SSH2: variants seen among roughly 807,000 people sequenced by gnomAD.
SSH2 encodes protein phosphatase Slingshot homolog 2.
Under a neutral mutation model 135.2 loss-of-function variants are expected in SSH2, and 37 were observed. The observed-to-expected ratio is 0.27, with a 90% CI of 0.21 to 0.36. The LOEUF (loss-of-function observed/expected upper bound fraction) is 0.36, where lower values mean the gene tolerates loss of function less well. Ranked by LOEUF, SSH2 falls within the 10% of genes least tolerant of loss-of-function variation. The probability of loss-of-function intolerance (pLI) is 1.00; values close to 1 mark genes in which losing one functional copy is unlikely to be tolerated. For missense variants in SSH2, 1,408 were observed against 1,765.3 expected (o/e 0.80, Z 3.63); for synonymous variants, 628 against 646.2 (o/e 0.97, Z 0.43).
intron 1 of SSH2, among the ~76,000 whole-genome samples, chr17:29,911,199 G>C (rs2066758148): frequency 6.6e-6 from 1 of 152,152 alleles, no homozygotes. Context: ...AAAAATGTAA[G>C]TTATATTTTA....
At chr17:29,893,605 G>A (rs559120339) in intron 1 of SSH2, among the ~76,000 whole-genome samples, 29 of 152,184 alleles carry the variant, frequency 1.9e-4, no homozygotes, top group African/African-American at 6.7e-4. Flanking sequence ...CCAGAACTGT[G>A]AGAAATAAAT....
chr17:29,652,632 C>A (rs1013151685), intron 12 of SSH2, among the ~76,000 whole-genome samples: 4 of 152,046 alleles, frequency 2.6e-5, no homozygotes, highest in Non-Finnish European at 5.9e-5. Context: ...ACAGGCAACA[C>A]ACTTTCCTTA....
chr17:29,773,824 T>G (rs2151276329), intron 3 of SSH2, among the ~76,000 whole-genome samples: 1 of 152,228 alleles, frequency 6.6e-6, no homozygotes, highest in East Asian at 1.9e-4. Flanking sequence ...ATTACAGGCA[T>G]GTGCCACCAC....
At chr17:29,927,621 T>G (rs553487651) in intron 1 of SSH2, among the ~76,000 whole-genome samples, 1 of 152,304 alleles carries the variant, frequency 6.6e-6, no homozygotes, top group South Asian at 2.1e-4. Context: ...CAGCAAGAGA[T>G]AGAACAGCAA....
intron 15 of SSH2, 151 bp from the exon 16 acceptor site, chr17:29,633,082 T>C: frequency 1.4e-6 from 1 of 692,168 alleles, no homozygotes; most frequent in Non-Finnish European, 2.4e-6. Context: ...TCTGCCCATC[T>C]GTTTTGTCAG....
chr17:29,866,986 A>G (rs1599115361), intron 1 of SSH2, among the ~76,000 whole-genome samples: 1 of 149,854 alleles, frequency 6.7e-6, no homozygotes, highest in Non-Finnish European at 1.5e-5. Context: ...GCCATGTGCC[A>G]CCACGCCCAG....
chr17:29,865,617 C>T (rs577373179), intron 1 of SSH2, among the ~76,000 whole-genome samples: 115 of 152,308 alleles, frequency 7.6e-4, no homozygotes, highest in African/African-American at 2.6e-3. Context: ...ACCTTAATTC[C>T]TATCACAGAT....
intron 2 of SSH2, among the ~76,000 whole-genome samples, chr17:29,821,925 C>T (rs1160090192): frequency 1.3e-5 from 2 of 151,832 alleles, no homozygotes; most frequent in Non-Finnish European, 2.9e-5. Flanking sequence ...ATTACAGGCC[C>T]GAGCTGCCAA....
chr17:29,856,692 C>T (rs921258855), intron 1 of SSH2, among the ~76,000 whole-genome samples: 1 of 152,154 alleles, frequency 6.6e-6, no homozygotes, highest in African/African-American at 2.4e-5. Flanking sequence ...CCTCCATCCC[C>T]GTCCTCCCAC....
chr17:29,847,153 G>T (rs1300461990), intron 2 of SSH2, among the ~76,000 whole-genome samples: 2 of 152,114 alleles, frequency 1.3e-5, no homozygotes, highest in African/African-American at 4.8e-5. Context: ...AAAATAGGGG[G>T]GAAAAATTCC....
intron 3 of SSH2, among the ~76,000 whole-genome samples, chr17:29,771,738 C>T (rs959832305): frequency 3.3e-5 from 5 of 152,166 alleles, no homozygotes; most frequent in African/African-American, 1.2e-4. Flanking sequence ...AGGATTGATT[C>T]AGCCCTTTCA....
intron 14 of SSH2, among the ~76,000 whole-genome samples, chr17:29,646,592 C>T (rs1016777445): frequency 7.0e-4 from 106 of 152,082 alleles, no homozygotes; most frequent in African/African-American, 2.5e-3. Context: ...CTCCGTCTCC[C>T]GGGTTCAAGC....
intron 2 of SSH2, among the ~76,000 whole-genome samples, chr17:29,828,961 C>A (rs1428980566): frequency 6.6e-6 from 1 of 152,204 alleles, no homozygotes; most frequent in Non-Finnish European, 1.5e-5. Context: ...CCATTTCCAT[C>A]TCCAAATGAC....
intron 2 of SSH2, among the ~76,000 whole-genome samples, chr17:29,824,532 A>C (rs1158283085): frequency 2.0e-5 from 3 of 152,206 alleles, no homozygotes; most frequent in Non-Finnish European, 2.9e-5. Context: ...TGCCTAAGCC[A>C]ACCTCTGGCA....
At chr17:29,637,650 C>T (rs1489974934) in intron 14 of SSH2, among the ~76,000 whole-genome samples, 4 of 151,428 alleles carry the variant, frequency 2.6e-5, no homozygotes, top group African/African-American at 4.9e-5. Flanking sequence ...GGTGTGGTGG[C>T]GTATGACTGT....
chr17:29,638,955 T>C (rs1405859432), intron 14 of SSH2, among the ~76,000 whole-genome samples: 1 of 152,218 alleles, frequency 6.6e-6, no homozygotes, highest in Non-Finnish European at 1.5e-5. Flanking sequence ...GGGAATACTC[T>C]GTTGGAACCT....
chr17:29,763,664 G>A (rs1383438160), intron 3 of SSH2, among the ~76,000 whole-genome samples: 2 of 152,054 alleles, frequency 1.3e-5, no homozygotes, highest in African/African-American at 4.8e-5. Context: ...AGCAGGAAAT[G>A]TATATTATTC....
At chr17:29,816,258 A>G (rs2042557830) in intron 2 of SSH2, among the ~76,000 whole-genome samples, 1 of 152,220 alleles carries the variant, frequency 6.6e-6, no homozygotes, top group Admixed American at 6.5e-5. Flanking sequence ...CAGAGCATCA[A>G]ATTTACTTAA....
At chr17:29,838,648 G>C (rs1290022445) in intron 2 of SSH2, among the ~76,000 whole-genome samples, 2 of 152,164 alleles carry the variant, frequency 1.3e-5, no homozygotes, top group Non-Finnish European at 2.9e-5. Flanking sequence ...TACCCTCTCT[G>C]TTGGAGCTGA....
Sources: gnomAD v4.1 joint callset for allele counts (sites outside exome capture counted in the v4.1 genomes callset) on GRCh38, gnomAD v4.1.1 for gene constraint, MANE v1.5 for transcripts, NCBI Gene and HGNC (gene_info 2026-07-23, HGNC 2026-07-21) for gene names.